FAM110B: variants seen among roughly 807,000 people sequenced by gnomAD.
FAM110B encodes protein FAM110B.
Under a neutral mutation model 20.4 loss-of-function variants are expected in FAM110B, and 6 were observed. The ratio of observed to expected loss-of-function variants is 0.29; its 90% confidence interval spans 0.16 to 0.58. The LOEUF (loss-of-function observed/expected upper bound fraction) is 0.58, where lower values mean the gene tolerates loss of function less well. Among genes scored for constraint, FAM110B ranks in the 20% least tolerant of loss-of-function variants. The pLI is 0.90. For synonymous variants in FAM110B, 226 were observed against 214.1 expected, an observed-to-expected ratio of 1.06 and a Z score of -0.49; for missense variants, 434 against 498.2, an observed-to-expected ratio of 0.87 and a Z score of 1.23.
At chr8:58,029,724 C>T (rs941757571) in intron 1 of FAM110B, among the ~76,000 whole-genome samples, 1 of 152,148 alleles carries the variant, frequency 6.6e-6, no homozygotes, top group Non-Finnish European at 1.5e-5. Flanking sequence ...TTCTTTTTCT[C>T]ATCTGTGAAA....
chr8:58,051,465 G>A (rs935438980), intron 2 of FAM110B, among the ~76,000 whole-genome samples: 1 of 152,116 alleles, frequency 6.6e-6, no homozygotes, highest in African/African-American at 2.4e-5. Context: ...ATTGGTGGTG[G>A]TAGTGCTGGG....
At chr8:58,039,238 G>A (rs1334034095) in intron 2 of FAM110B, among the ~76,000 whole-genome samples, 6 of 152,264 alleles carry the variant, frequency 3.9e-5, no homozygotes, top group Admixed American at 6.5e-5. Flanking sequence ...CTATGTTTGG[G>A]TTATGCTGAA....
intron 1 of FAM110B, among the ~76,000 whole-genome samples, chr8:58,024,172 C>CA (rs1804808859): frequency 7.7e-6 from 1 of 129,536 alleles, no homozygotes; most frequent in Non-Finnish European, 1.7e-5. Flanking sequence ...TTTCACTGTG[C>CA]TTTTTTTTTT....
chr8:58,103,463 A>G (rs1459995510), intron 3 of FAM110B, among the ~76,000 whole-genome samples: 1 of 152,024 alleles, frequency 6.6e-6, no homozygotes, highest in Non-Finnish European at 1.5e-5. Context: ...GAGAATGATG[A>G]TTTCCAATTT....
intron 3 of FAM110B, among the ~76,000 whole-genome samples, chr8:58,144,772 G>A (rs1803819974): frequency 6.6e-6 from 1 of 152,202 alleles, no homozygotes; most frequent in African/African-American, 2.4e-5. Flanking sequence ...TGATGCATTT[G>A]TAAATGTTCT....
chr8:58,103,614 G>C (rs1272643862), intron 3 of FAM110B, among the ~76,000 whole-genome samples: 1 of 152,100 alleles, frequency 6.6e-6, no homozygotes, highest in Non-Finnish European at 1.5e-5. Context: ...CCTTCCAGGA[G>C]GTGTAAGGTA....
intron 1 of FAM110B, among the ~76,000 whole-genome samples, chr8:58,028,077 C>T (rs1804887348): frequency 6.6e-6 from 1 of 152,158 alleles, no homozygotes; most frequent in Non-Finnish European, 1.5e-5. Context: ...TGTAGGAGAA[C>T]CAAGTTGTTT....
intron 1 of FAM110B, among the ~76,000 whole-genome samples, chr8:58,016,824 C>T (rs1257903268): frequency 6.6e-6 from 1 of 152,076 alleles, no homozygotes; most frequent in Non-Finnish European, 1.5e-5. Context: ...GGAGTGTGTC[C>T]AGGAAAAGCT....
intron 1 of FAM110B, among the ~76,000 whole-genome samples, chr8:58,026,349 G>T (rs1230700315): frequency 1.3e-5 from 2 of 150,898 alleles, no homozygotes; most frequent in Admixed American, 6.6e-5. Flanking sequence ...ACTTAATCTT[G>T]GTGTCCTTTT....
chr8:58,025,783 A>G (rs1161518786), intron 1 of FAM110B, among the ~76,000 whole-genome samples: 1 of 152,214 alleles, frequency 6.6e-6, no homozygotes, highest in East Asian at 1.9e-4. Flanking sequence ...TGTTCTTATC[A>G]TGAGCTGTAT....
intron 2 of FAM110B, among the ~76,000 whole-genome samples, chr8:58,057,028 T>A (rs1325348951): frequency 6.6e-6 from 1 of 152,198 alleles, no homozygotes; most frequent in East Asian, 1.9e-4. Flanking sequence ...GAGGGCCTCA[T>A]AAATGAGGGC....
intron 3 of FAM110B, among the ~76,000 whole-genome samples, chr8:58,078,428 T>C (rs1462481116): frequency 6.6e-6 from 1 of 152,172 alleles, no homozygotes; most frequent in Non-Finnish European, 1.5e-5. Flanking sequence ...TTTCAGGAAA[T>C]AAGCTTGAAG....
In FAM110B at chr8:58,077,972, T is replaced by C. The variant is rs186935643; in HGVS notation, c.-325+2349T>C. On this transcript the variant is annotated intron_variant, in intron 3 of 3. Coordinates refer to ENST00000519262, the MANE Select transcript of FAM110B (RefSeq NM_001377989.1). ...GTTTTCCCATAAATAGATTGAAACA[T>C]TTTTAAAAGTGCTTTAAAGAATGTT... Among the ~76,000 whole-genome samples, 19 of 152,018 alleles carry C rather than the reference T, an allele frequency of 1.2e-4. 1 individual carries two copies. The highest frequency in any genetic ancestry group is 1.1e-3 in the Admixed American group (17 of 15,258).
intron 1 of FAM110B, among the ~76,000 whole-genome samples, chr8:58,008,999 T>C (rs1804472164): frequency 1.3e-5 from 2 of 152,186 alleles, no homozygotes; most frequent in South Asian, 4.1e-4. Context: ...TTTTCCTTCC[T>C]CTCTGCTCTC....
chr8:58,060,997 G>A (rs946624051), intron 2 of FAM110B, among the ~76,000 whole-genome samples: 22 of 152,080 alleles, frequency 1.4e-4, no homozygotes, highest in Non-Finnish European at 2.9e-5. Context: ...CCAATTAAGG[G>A]CAAATAAAAT....
At chr8:58,096,564 G>A (rs760932607) in intron 3 of FAM110B, among the ~76,000 whole-genome samples, 35 of 152,176 alleles carry the variant, frequency 2.3e-4, no homozygotes, top group Non-Finnish European at 4.6e-4. Flanking sequence ...ATTGTTATGC[G>A]TGAATTTGAT....
chr8:58,017,667 T>C (rs1804667177), intron 1 of FAM110B, among the ~76,000 whole-genome samples: 2 of 152,254 alleles, frequency 1.3e-5, no homozygotes, highest in South Asian at 2.1e-4. Flanking sequence ...TCTTAGAAGA[T>C]GTTTTCAAAG....
At chr8:57,999,276 CAGA>C (rs1189477455) in intron 1 of FAM110B, among the ~76,000 whole-genome samples, 1 of 152,118 alleles carries the variant, frequency 6.6e-6, no homozygotes, top group Non-Finnish European at 1.5e-5. Context: ...CTGGAAGAAT[CAGA>C]AGAATTCTGT....
chr8:58,133,507 C>A (rs1803538221), intron 3 of FAM110B, among the ~76,000 whole-genome samples: 1 of 152,136 alleles, frequency 6.6e-6, no homozygotes, highest in Non-Finnish European at 1.5e-5. Flanking sequence ...GACTGTAAGG[C>A]AAGAGCCCAG....
Sources: gnomAD v4.1 joint callset for allele counts (sites outside exome capture counted in the v4.1 genomes callset) on GRCh38, gnomAD v4.1.1 for gene constraint, MANE v1.5 for transcripts, NCBI Gene and HGNC (gene_info 2026-07-23, HGNC 2026-07-21) for gene names.